The following LRRN3 variants were observed in gnomAD, a reference collection of about 807,000 sequenced individuals.
The protein encoded by LRRN3 is leucine rich repeat neuronal 3, also known as leucine-rich repeat neuronal protein 3.
Under a neutral mutation model 40.1 loss-of-function variants are expected in LRRN3, and 15 were observed. That is an observed-to-expected ratio of 0.37 (90% CI 0.25 to 0.58). The LOEUF is 0.58. Among genes scored for constraint, LRRN3 ranks in the 20% least tolerant of loss-of-function variants. The probability of loss-of-function intolerance (pLI) is 0.72; values close to 1 mark genes in which losing one functional copy is unlikely to be tolerated. For missense variants in LRRN3, 746 were observed against 837.7 expected (o/e 0.89, Z 1.35); for synonymous variants, 308 against 297.2 (o/e 1.04, Z -0.37).
intron 1 of LRRN3, among the ~76,000 whole-genome samples, chr7:111,094,196 T>C (rs2129578317): frequency 6.6e-6 from 1 of 152,164 alleles, no homozygotes; most frequent in East Asian, 1.9e-4. Flanking sequence ...CTATGGTATT[T>C]ATTACAATCT....
At chr7:111,092,986 A>G (rs1797022458) in intron 1 of LRRN3, among the ~76,000 whole-genome samples, 1 of 152,220 alleles carries the variant, frequency 6.6e-6, no homozygotes, top group Admixed American at 6.5e-5. Context: ...TTGTAATATA[A>G]GCCAAAGCAA....
rs760392143 is a variant in LRRN3, at chr7:111,123,504, C to T, written c.732C>T (p.Tyr244=). ...AAAACTTAGAAAGCATCTCTTTTTA[C>T]GATAACAGGCTTATTAAAGTACCCC... ...GLENLESISF[Y]DNRLIKVPHV... Residue 244 remains tyrosine, a synonymous_variant, in exon 3 of 3, where the codon TAC becomes TAT. Transcript: ENST00000308478. The surrounding 1 kb of genome is among the most constrained non-coding windows in gnomAD (Gnocchi z 6.4). The T allele has an allele frequency of 1.4e-5, 23 of 1,613,620 alleles. No individual in the cohort carries two copies. Among genetic ancestry groups the T allele is most frequent in the Admixed American group, 1.0e-4 (6 of 59,904 alleles).
chr7:111,120,005 G>C (rs1416459015), intron 2 of LRRN3, among the ~76,000 whole-genome samples: 1 of 152,144 alleles, frequency 6.6e-6, no homozygotes, highest in Non-Finnish European at 1.5e-5. Flanking sequence ...AACAAAGAAA[G>C]AAGTATTCCA....
chr7:111,111,665 CT>C (rs1799219867), intron 2 of LRRN3, among the ~76,000 whole-genome samples: 2 of 151,938 alleles, frequency 1.3e-5, no homozygotes, highest in African/African-American at 4.8e-5. Context: ...ATGTCCCCCC[CT>C]GCGTCAATAG....
At chr7:111,121,637 G>A (rs1800631913) in intron 2 of LRRN3, among the ~76,000 whole-genome samples, 2 of 152,184 alleles carry the variant, frequency 1.3e-5, no homozygotes, top group South Asian at 4.1e-4. Flanking sequence ...TGGTGGGGCT[G>A]TAAACTAGTT....
intron 2 of LRRN3, among the ~76,000 whole-genome samples, chr7:111,106,370 G>A (rs891617618): frequency 1.3e-5 from 2 of 151,816 alleles, no homozygotes. Flanking sequence ...TTTTTTGAAG[G>A]ATCTTAACTA....
chr7:111,105,342 C>T (rs1396001984), intron 2 of LRRN3, among the ~76,000 whole-genome samples: 4 of 151,868 alleles, frequency 2.6e-5, no homozygotes, highest in South Asian at 2.1e-4. Context: ...TCAGAAACTC[C>T]GAAATTATGC....
intron 2 of LRRN3, among the ~76,000 whole-genome samples, chr7:111,114,999 A>G (rs923080264): frequency 3.2e-4 from 48 of 152,128 alleles, no homozygotes; most frequent in South Asian, 8.3e-4. Context: ...TATAACCTGA[A>G]GCAAATTTTC....
In LRRN3 at chr7:111,122,621, C is replaced by A; in HGVS notation, c.-152C>A. On this transcript the variant is annotated 5_prime_UTR_variant, in exon 3 of 3. Coordinates refer to ENST00000308478, the MANE Select transcript of LRRN3 (RefSeq NM_001099658.2). The stretch of plus-strand genomic sequence containing the variant: ...GGACAATGCAATTGTGGCACTGGCA[C>A]TTATTTCAGTGAAGAAAAACTTTGT... 1 of 625,858 alleles carries A rather than the reference C, an allele frequency of 1.6e-6. No homozygotes were observed. The highest frequency in any genetic ancestry group is 2.1e-5 in the South Asian group (1 of 47,198). The allele number at this position is 625,858 out of a possible 1,614,324, so 38.8% of individuals were successfully genotyped here. A position where few individuals can be genotyped will look rare whatever the true frequency, so the allele number is the denominator to read the frequency against.
At chr7:111,103,293 C>T (rs1466265207) in intron 2 of LRRN3, among the ~76,000 whole-genome samples, 7 of 151,558 alleles carry the variant, frequency 4.6e-5, no homozygotes, top group Admixed American at 2.0e-4. Context: ...CAAGCATACA[C>T]GTATACATTT....
intron 2 of LRRN3, among the ~76,000 whole-genome samples, chr7:111,114,530 G>A (rs775707147): frequency 1.4e-4 from 22 of 152,086 alleles, no homozygotes; most frequent in Admixed American, 7.2e-4. Context: ...TAGGTCAGGA[G>A]TTTGAGACCA....
chr7:111,096,810 A>G (rs1797447910), intron 1 of LRRN3, among the ~76,000 whole-genome samples: 2 of 151,942 alleles, frequency 1.3e-5, no homozygotes, highest in South Asian at 4.1e-4. Flanking sequence ...TGGGTTGAAA[A>G]TGACACACTA....
At chr7:111,091,866 A>G (rs1796904138) in intron 1 of LRRN3, among the ~76,000 whole-genome samples, 1 of 151,952 alleles carries the variant, frequency 6.6e-6, no homozygotes, top group African/African-American at 2.4e-5. Flanking sequence ...TGGGGAAGAG[A>G]GAAGACAGAG....
At chr7:111,116,230 T>C (rs1480132148) in intron 2 of LRRN3, among the ~76,000 whole-genome samples, 1 of 152,176 alleles carries the variant, frequency 6.6e-6, no homozygotes, top group Non-Finnish European at 1.5e-5. Context: ...ACATGATTTG[T>C]TTATGATCTG....
intron 1 of LRRN3, among the ~76,000 whole-genome samples, chr7:111,096,852 T>C (rs1030439942): frequency 7.2e-5 from 11 of 152,100 alleles, no homozygotes; most frequent in African/African-American, 2.2e-4. Context: ...AATTTGAAAG[T>C]AAACTGGTAT....
Position 111,124,804 on chromosome 7 carries a change from C to G in LRRN3, c.2032C>G (p.Pro678Ala), listed in dbSNP as rs779322275. 14 of 1,613,158 alleles carry G rather than the reference C, an allele frequency of 8.7e-6. No individual in the cohort carries two copies. The highest frequency in any genetic ancestry group is 1.2e-5 in the Non-Finnish European group (14 of 1,179,812). ...AACCTTTGCATTAGGTGAGCTTTAT[C>G]CTCCTCTGATAAATCTCTGGGAAGC... ...KPTFALGELY[P>A]PLINLWEAGK... Residue 678 changes from proline (P) to alanine (A), a missense_variant, in exon 3 of 3, where the codon CCT (proline) becomes GCT (alanine). Physicochemically the swap from Pro to Ala is conservative, Grantham distance 27. Coordinates refer to ENST00000308478, the MANE Select transcript of LRRN3 (RefSeq NM_001099658.2).
At position 111,091,371 on chromosome 7, in the gene LRRN3, T is replaced by C. The variant is rs1193796322; in HGVS notation, c.-574T>C. 2 of 152,170 alleles carry C rather than the reference T, an allele frequency of 1.3e-5. No homozygotes were observed. The highest frequency in any genetic ancestry group is 2.9e-5 in the Non-Finnish European group (2 of 68,040). The allele number at this position is 152,170 out of a possible 1,614,324, so 9.4% of individuals were successfully genotyped here. On this transcript the variant is annotated 5_prime_UTR_variant, in exon 1 of 3. Coordinates refer to ENST00000308478, the MANE Select transcript of LRRN3 (RefSeq NM_001099658.2). ...TCTATAGTATATATTTTGTACACTT[T>C]GTTACACAGACACACAAATGCACCT...
intron 2 of LRRN3, among the ~76,000 whole-genome samples, chr7:111,111,943 T>C (rs13245392): frequency 3.5e-5 from 3 of 86,330 alleles, no homozygotes; most frequent in Admixed American, 3.2e-4. Flanking sequence ...ATATAGTTTG[T>C]TTTTTTTTTT....
At chr7:111,107,205 C>A (rs183456106) in intron 2 of LRRN3, among the ~76,000 whole-genome samples, 2 of 151,966 alleles carry the variant, frequency 1.3e-5, no homozygotes, top group Admixed American at 1.3e-4. Flanking sequence ...CTTCTTCCTT[C>A]TCTCTTTCCT....
Sources: gnomAD v4.1 joint callset for allele counts (sites outside exome capture counted in the v4.1 genomes callset) on GRCh38, gnomAD v4.1.1 for gene constraint, Gnocchi (gnomAD v3.1) non-coding constraint, MANE v1.5 for transcripts, NCBI Gene and HGNC (gene_info 2026-07-23, HGNC 2026-07-21) for gene names.